IGFBP7: variants seen among roughly 807,000 people sequenced by gnomAD.
IGFBP7 encodes the protein insulin-like growth factor-binding protein 7.
Under a neutral mutation model 29.4 loss-of-function variants are expected in IGFBP7, and 31 were observed. The ratio of observed to expected loss-of-function variants is 1.05; its 90% confidence interval spans 0.79 to 1.42. The LOEUF (loss-of-function observed/expected upper bound fraction) is 1.42, where lower values mean the gene tolerates loss of function less well. Ranked by LOEUF, IGFBP7 falls within the 40% of genes most tolerant of loss-of-function variation. IGFBP7 has a pLI of 0.00. For missense variants in IGFBP7, 393 were observed against 395.5 expected (o/e 0.99, Z 0.05); for synonymous variants, 172 against 174.9 (o/e 0.98, Z 0.13).
intron 1 of IGFBP7, among the ~76,000 whole-genome samples, chr4:57,108,586 G>C (rs1483538542): frequency 1.3e-5 from 2 of 151,430 alleles, no homozygotes; most frequent in Non-Finnish European, 2.9e-5. Context: ...CTGTCACCCA[G>C]GCTGGAGTGC....
intron 1 of IGFBP7, among the ~76,000 whole-genome samples, chr4:57,076,627 C>G (rs957397540): frequency 6.6e-6 from 1 of 152,164 alleles, no homozygotes; most frequent in African/African-American, 2.4e-5. Flanking sequence ...ATTAAAGGAT[C>G]TTGTGGGGTC....
intron 1 of IGFBP7, among the ~76,000 whole-genome samples, chr4:57,086,447 G>C (rs1009419436): frequency 2.0e-5 from 3 of 152,306 alleles, no homozygotes; most frequent in Middle Eastern, 6.8e-3. Flanking sequence ...GGACTTTCCA[G>C]TGAAAACCTG....
At chr4:57,073,010 GGC>G (rs1725093826) in intron 1 of IGFBP7, 3 of 1,040,994 alleles carry the variant, frequency 2.9e-6, no homozygotes, top group South Asian at 1.3e-5. Flanking sequence ...CAGCCTTCGA[GGC>G]AAACCCAACA....
chr4:57,096,651 C>T (rs906030729), intron 1 of IGFBP7, among the ~76,000 whole-genome samples: 12 of 152,266 alleles, frequency 7.9e-5, no homozygotes, highest in African/African-American at 2.9e-4. Context: ...GCCAATTTCA[C>T]TCAAGATTGC....
At chr4:57,096,041 G>A (rs556858762) in intron 1 of IGFBP7, among the ~76,000 whole-genome samples, 1 of 152,142 alleles carries the variant, frequency 6.6e-6, no homozygotes, top group South Asian at 2.1e-4. Context: ...CTGGGCTAAT[G>A]GAGCGTATGT....
intron 1 of IGFBP7, among the ~76,000 whole-genome samples, chr4:57,056,072 C>A (rs1022048997): frequency 3.3e-5 from 5 of 152,060 alleles, no homozygotes; most frequent in African/African-American, 9.7e-5. Context: ...CAACCCCAGA[C>A]GTTAGCCAGC....
At position 57,032,501 on chromosome 4, in the gene IGFBP7, T is replaced by C; in HGVS notation, c.754A>G (p.Asn252Asp). ...DAGEYECHAS[N>D]SQGQASASAK... The stretch of plus-strand genomic sequence containing the variant: ...GATGCTGAAGCCTGTCCTTGGGAAT[T>C]GGATGCATGGCACTCATATTCTCCA... The change falls in exon 4 of 5, where the codon AAT (asparagine) becomes GAT (aspartate). Residue 252 changes from asparagine to aspartate, a missense_variant. Transcript: ENST00000295666. 1 of 1,614,100 alleles carries C rather than the reference T, an allele frequency of 6.2e-7. No individual in the cohort carries two copies. Among genetic ancestry groups the C allele is most frequent in the East Asian group, 2.2e-5 (1 of 44,870 alleles).
At chr4:57,104,363 C>A (rs2109806792) in intron 1 of IGFBP7, among the ~76,000 whole-genome samples, 1 of 152,136 alleles carries the variant, frequency 6.6e-6, no homozygotes, top group South Asian at 2.1e-4. Context: ...CCTCCACAAA[C>A]CTGGGTCCCC....
chr4:57,084,053 AATACAAAT>A (rs1725437738), intron 1 of IGFBP7, among the ~76,000 whole-genome samples: 1 of 152,218 alleles, frequency 6.6e-6, no homozygotes, highest in African/African-American at 2.4e-5. Flanking sequence ...TATACAGTAA[AATACAAAT>A]ATACCCTACC....
chr4:57,073,744 C>A (rs1483784853), intron 1 of IGFBP7, among the ~76,000 whole-genome samples: 2 of 152,190 alleles, frequency 1.3e-5, no homozygotes, highest in Admixed American at 1.3e-4. Context: ...ACAGGCCAGG[C>A]TACAAGCCAA....
chr4:57,107,168 A>G (rs1726054884), intron 1 of IGFBP7, among the ~76,000 whole-genome samples: 1 of 152,182 alleles, frequency 6.6e-6, no homozygotes, highest in Admixed American at 6.5e-5. Context: ...TTAATCAGCA[A>G]CATCAAATCT....
rs78501618 is a variant in IGFBP7, at chr4:57,074,570, C to T, written c.476-33637G>A. On this transcript the variant is annotated intron_variant, in intron 1 of 4. Transcript: ENST00000295666. Reference sequence around the variant, plus strand: ...TCTCCAGCCTGACTTCAGGGGCTTACGTCACTTTTGCCCAGACTCTCCCAT... The same window carrying T: ...TCTCCAGCCTGACTTCAGGGGCTTATGTCACTTTTGCCCAGACTCTCCCAT... Among the ~76,000 whole-genome samples the T allele has an allele frequency of 2.0e-3, 310 of 152,306 alleles. 1 individual carries two copies. The highest frequency in any genetic ancestry group is 7.1e-3 in the African/African-American group (295 of 41,572).
chr4:57,084,737 ATCT>A (rs1725453149), intron 1 of IGFBP7, among the ~76,000 whole-genome samples: 1 of 149,840 alleles, frequency 6.7e-6, no homozygotes, highest in African/African-American at 2.4e-5. Context: ...TGATAATGTA[ATCT>A]TTTCCCTTAT....
At chr4:57,092,432 T>C (rs867909112) in intron 1 of IGFBP7, among the ~76,000 whole-genome samples, 3 of 152,186 alleles carry the variant, frequency 2.0e-5, no homozygotes, top group Admixed American at 2.0e-4. Flanking sequence ...CCTGGTTTTA[T>C]GGCTAGTAAC....
At chr4:57,070,589 A>G (rs1470465037) in intron 1 of IGFBP7, among the ~76,000 whole-genome samples, 2 of 152,228 alleles carry the variant, frequency 1.3e-5, no homozygotes, top group Non-Finnish European at 2.9e-5. Flanking sequence ...ATTATCCTCT[A>G]GTTAAATGAG....
chr4:57,046,312 T>A (rs1724359946), intron 1 of IGFBP7, among the ~76,000 whole-genome samples: 1 of 148,124 alleles, frequency 6.8e-6, no homozygotes, highest in African/African-American at 2.5e-5. Flanking sequence ...TGTCCTGCAA[T>A]TCAATCCCTG....
intron 1 of IGFBP7, among the ~76,000 whole-genome samples, chr4:57,053,738 C>T (rs528809211): frequency 7.4e-4 from 112 of 152,280 alleles, no homozygotes; most frequent in Middle Eastern, 3.4e-3. Flanking sequence ...GAAGAACTGA[C>T]TTTATAGAGA....
chr4:57,082,131 T>C (rs973191241), intron 1 of IGFBP7, among the ~76,000 whole-genome samples: 1 of 152,194 alleles, frequency 6.6e-6, no homozygotes, highest in Non-Finnish European at 1.5e-5. Flanking sequence ...CCTCAGTTTT[T>C]TCATCTGTAA....
intron 1 of IGFBP7, among the ~76,000 whole-genome samples, chr4:57,053,438 A>C (rs1178359481): frequency 6.6e-6 from 1 of 152,180 alleles, no homozygotes; most frequent in Non-Finnish European, 1.5e-5. Flanking sequence ...GTTCTGGTAC[A>C]TGTGGTCTGG....
Sources: gnomAD v4.1 joint callset for allele counts (sites outside exome capture counted in the v4.1 genomes callset) on GRCh38, gnomAD v4.1.1 for gene constraint, MANE v1.5 for transcripts, NCBI Gene and HGNC (gene_info 2026-07-23, HGNC 2026-07-21) for gene names.